FRY: variants seen among roughly 807,000 people sequenced by gnomAD.
FRY encodes the protein protein furry homolog.
Under a neutral mutation model 348.4 loss-of-function variants are expected in FRY, and 128 were observed. The observed-to-expected ratio is 0.37, with a 90% CI of 0.32 to 0.43. The LOEUF is 0.43. Ranked by LOEUF, FRY falls within the 20% of genes least tolerant of loss-of-function variation. The probability of loss-of-function intolerance (pLI) is 1.00; values close to 1 mark genes in which losing one functional copy is unlikely to be tolerated. For missense variants in FRY, 2,736 were observed against 3,695.2 expected, an observed-to-expected ratio of 0.74 and a Z score of 6.73; for synonymous variants, 1,370 against 1,374.7, an observed-to-expected ratio of 1.00 and a Z score of 0.08.
chr13:32,051,132 G>A lies in FRY; in HGVS notation c.70+19267G>A, dbSNP rs373214999. ...TGTAGATACATACTTAATTATTTCC[G>A]TTTCCTTCTGATTTGGGAGCTCAAA... On this transcript the variant is annotated intron_variant, in intron 1 of 60. Transcript: ENST00000542859. Among the ~76,000 whole-genome samples the A allele has an allele frequency of 4.7e-4, 72 of 152,260 alleles. No homozygotes were observed. The South Asian group carries it at 7.9e-3, about 17-fold the overall frequency.
At chr13:32,184,951 A>G (rs767981162) in intron 25 of FRY, 25 bp from the exon 26 acceptor site, 1 of 1,604,280 alleles carries the variant, frequency 6.2e-7, no homozygotes, top group South Asian at 1.1e-5. Flanking sequence ...TGATCATCTA[A>G]AAGTTTCATT....
Position 32,295,718 on chromosome 13 carries a change from A to T in FRY, c.*258A>T. 1 of 561,028 alleles carries T rather than the reference A, an allele frequency of 1.8e-6. No homozygotes were observed. Among genetic ancestry groups the T allele is most frequent in the Non-Finnish European group, 3.2e-6 (1 of 312,568 alleles). 34.8% of individuals were successfully genotyped at this position (561,028 alleles called of 1,614,324 possible). A position where few individuals can be genotyped will look rare whatever the true frequency, so the allele number is the denominator to read the frequency against. On this transcript the variant is annotated 3_prime_UTR_variant, in exon 61 of 61. Transcript: ENST00000542859. ...AAATGTGTTACATTTGACCGAGCAT[A>T]TGCAACTCGCTACTGAAGAAGTGAC... is the stretch of plus-strand genomic sequence containing the variant.
intron 46 of FRY, among the ~76,000 whole-genome samples, chr13:32,241,877 AAT>A (rs973359656): frequency 6.6e-6 from 1 of 152,188 alleles, no homozygotes; most frequent in Non-Finnish European, 1.5e-5. Flanking sequence ...CACTGTATAT[AAT>A]ATATATTAAC....
At chr13:32,100,555 T>C (rs75375481) in intron 2 of FRY, among the ~76,000 whole-genome samples, 2,052 of 151,230 alleles carry the variant, frequency 0.014, 76 homozygotes, top group African/African-American at 0.048. Context: ...TTTTGATATA[T>C]GTATAATGAG....
chr13:32,241,812 A>T (rs1009084012), intron 46 of FRY, among the ~76,000 whole-genome samples: 1 of 152,220 alleles, frequency 6.6e-6, no homozygotes, highest in African/African-American at 2.4e-5. Context: ...TGTTCTGTTC[A>T]GCCCTTATCA....
intron 40 of FRY, among the ~76,000 whole-genome samples, chr13:32,230,243 C>G (rs1216394187): frequency 2.0e-5 from 3 of 152,146 alleles, no homozygotes; most frequent in African/African-American, 7.2e-5. Flanking sequence ...CCAGTAGGCC[C>G]CAGTGTGTGT....
At position 32,161,143 on chromosome 13, in the gene FRY, G is replaced by A; in HGVS notation, c.1785-1G>A. 6.3e-7 allele frequency: 1 copy of A among 1,590,612 alleles called. No individual in the cohort carries two copies. Among genetic ancestry groups the A allele is most frequent in the Non-Finnish European group, 8.6e-7 (1 of 1,158,888 alleles). On this transcript the variant is annotated splice_acceptor_variant, in intron 16 of 60. Coordinates refer to ENST00000542859, the MANE Select transcript of FRY (RefSeq NM_023037.3). LOFTEE classifies it high-confidence loss of function. ...TTTAAAATTTTGTCTTCTAATTCTA[G>A]GGGTGAGAGAAAGCCAAAAATAGAT... is the stretch of plus-strand genomic sequence containing the variant.
At chr13:32,190,792 A>G (rs1222008326) in intron 28 of FRY, among the ~76,000 whole-genome samples, 1 of 152,192 alleles carries the variant, frequency 6.6e-6, no homozygotes, top group African/African-American at 2.4e-5. Context: ...TCCAGTCAAA[A>G]TCCGGGCAGG....
At chr13:32,130,424 A>G (rs924451104) in intron 7 of FRY, among the ~76,000 whole-genome samples, 12 of 146,600 alleles carry the variant, frequency 8.2e-5, no homozygotes, top group African/African-American at 2.8e-4. Context: ...AATACAATAA[A>G]TCTTAGACTG....
At chr13:32,121,353 T>TAGC (rs1400138805) in intron 4 of FRY, among the ~76,000 whole-genome samples, 1 of 152,226 alleles carries the variant, frequency 6.6e-6, no homozygotes, top group African/African-American at 2.4e-5. Flanking sequence ...CCACACTGTT[T>TAGC]TCCATAGCAG....
At chr13:32,106,073 A>G (rs927598867) in intron 3 of FRY, among the ~76,000 whole-genome samples, 53 of 148,088 alleles carry the variant, frequency 3.6e-4, no homozygotes, top group Non-Finnish European at 6.3e-4. Flanking sequence ...ATAATATTAA[A>G]TATAATATTA....
At chr13:32,209,170 G>A in intron 32 of FRY, 61 bp downstream of exon 32, 2 of 1,593,090 alleles carry the variant, frequency 1.3e-6, no homozygotes, top group Non-Finnish European at 1.7e-6. Context: ...AAAACCCTGG[G>A]TTAGTCAAAC....
rs145030371 is a variant in FRY, at chr13:32,105,145, G to A, written c.324+3129G>A. ...TCAAATGTGTACCCTCCAAAATTCA[G>A]CTGCTGTTAATGTGATAGTATCAAG... On this transcript the variant is annotated intron_variant, in intron 3 of 60. Transcript: ENST00000542859. Among the ~76,000 whole-genome samples the A allele has an allele frequency of 1.1e-3, 174 of 152,326 alleles. 1 individual carries two copies. Among genetic ancestry groups the A allele is most frequent in the Admixed American group, 8.4e-3 (129 of 15,298 alleles).
chr13:32,123,238 G>A (rs1274356231), intron 4 of FRY, among the ~76,000 whole-genome samples: 1 of 152,120 alleles, frequency 6.6e-6, no homozygotes, highest in South Asian at 2.1e-4. Flanking sequence ...GCCAAAGCAT[G>A]ACTAAGCAAA....
At chr13:32,179,088 T>TA (rs1882540764) in intron 22 of FRY, 55 bp downstream of exon 22, 1 of 1,415,058 alleles carries the variant, frequency 7.1e-7, no homozygotes, top group Admixed American at 1.8e-5. Flanking sequence ...TTAGCTTGTT[T>TA]GTCTAGAGTT....
intron 39 of FRY, among the ~76,000 whole-genome samples, chr13:32,226,612 A>ATGCC (rs1885597238): frequency 1.3e-5 from 2 of 152,338 alleles, no homozygotes; most frequent in South Asian, 4.1e-4. Flanking sequence ...TCTTAAAATG[A>ATGCC]TGATGAAGAT....
intron 48 of FRY, among the ~76,000 whole-genome samples, chr13:32,248,584 T>G (rs925721462): frequency 2.0e-5 from 3 of 152,196 alleles, no homozygotes; most frequent in Non-Finnish European, 1.5e-5. Flanking sequence ...CTTGCACTAT[T>G]ATGTAGGTCA....
chr13:32,257,885 A>G lies in FRY; in HGVS notation c.7416+3491A>G, dbSNP rs2138530559. On this transcript the variant is annotated intron_variant, in intron 51 of 60. Coordinates refer to ENST00000542859, the MANE Select transcript of FRY (RefSeq NM_023037.3). ...TAATGTTGTGTTAACACTAAGAGAA[A>G]TGTTCTTGAGTATCTTTAATATAAT... The G allele has an allele frequency of 5.0e-6, 6 of 1,209,736 alleles. No individual in the cohort carries two copies. The East Asian group carries it at 9.3e-5, about 19-fold the overall frequency. The allele number at this position is 1,209,736 out of a possible 1,614,324, so 74.9% of individuals were successfully genotyped here.
chr13:32,144,157 G>C (rs1249504076), intron 11 of FRY, among the ~76,000 whole-genome samples: 2 of 149,146 alleles, frequency 1.3e-5, no homozygotes, highest in Non-Finnish European at 3.0e-5. Flanking sequence ...TCCCCTTTAA[G>C]TAACTAAAAC....
Sources: allele counts gnomAD v4.1 joint callset (sites outside exome capture counted in the v4.1 genomes callset), GRCh38; gene constraint gnomAD v4.1.1; transcripts MANE v1.5; gene names NCBI Gene and HGNC (gene_info 2026-07-23, HGNC 2026-07-21).